SLC44A5: variants seen among roughly 807,000 people sequenced by gnomAD.
SLC44A5 encodes the protein solute carrier family 44 member 5.
SLC44A5 carries 57 observed loss-of-function variants against 101.8 expected under a neutral mutation model. The ratio of observed to expected loss-of-function variants is 0.56; its 90% confidence interval spans 0.45 to 0.70. SLC44A5 has a LOEUF of 0.70. Ranked by LOEUF, SLC44A5 falls within the 30% of genes least tolerant of loss-of-function variation. The pLI, the probability that SLC44A5 is intolerant of heterozygous loss-of-function variation, is 0.00. For missense variants in SLC44A5, 737 were observed against 853.1 expected (o/e 0.86, Z 1.70); for synonymous variants, 281 against 290.9 (o/e 0.97, Z 0.35).
intron 2 of SLC44A5, among the ~76,000 whole-genome samples, chr1:75,490,212 A>C (rs1328229824): frequency 2.0e-5 from 3 of 152,184 alleles, no homozygotes; most frequent in African/African-American, 7.2e-5. Flanking sequence ...GGAATGAATA[A>C]TGCATTGGAT....
chr1:75,330,608 T>C (rs1215043347), intron 4 of SLC44A5, among the ~76,000 whole-genome samples: 3 of 152,114 alleles, frequency 2.0e-5, no homozygotes, highest in Non-Finnish European at 4.4e-5. Flanking sequence ...TTCTAGATAA[T>C]GTCTAGCACC....
chr1:75,495,087 A>T (rs1668600283), intron 2 of SLC44A5, among the ~76,000 whole-genome samples: 1 of 152,186 alleles, frequency 6.6e-6, no homozygotes, highest in Admixed American at 6.5e-5. Context: ...GGAAACGGAA[A>T]TATGTGACAA....
intron 2 of SLC44A5, among the ~76,000 whole-genome samples, chr1:75,530,103 C>T (rs2101916956): frequency 6.6e-6 from 1 of 151,902 alleles, no homozygotes; most frequent in South Asian, 2.1e-4. Flanking sequence ...GGCTGGAGTG[C>T]AAAAGGTAAT....
intron 13 of SLC44A5, among the ~76,000 whole-genome samples, chr1:75,223,110 G>A (rs952543595): frequency 1.3e-5 from 2 of 152,302 alleles, no homozygotes; most frequent in Admixed American, 6.5e-5. Context: ...CCATCTTTAT[G>A]TGAAATAAGT....
chr1:75,504,993 C>G (rs943897448), intron 2 of SLC44A5, among the ~76,000 whole-genome samples: 1 of 152,084 alleles, frequency 6.6e-6, no homozygotes, highest in Non-Finnish European at 1.5e-5. Context: ...GCTCTTTCCT[C>G]TTCCCCCTCT....
Position 75,440,329 on chromosome 1 carries a change from G to A in SLC44A5, c.14-43708C>T, listed in dbSNP as rs147232164. On this transcript the variant is annotated intron_variant, in intron 2 of 23. Transcript: ENST00000370859. ...AGACCTGAGGGAAGTTGGAAAGAAA[G>A]TTAAAAAGATAGTTATGAAGAAGGC... Among the ~76,000 whole-genome samples the A allele has an allele frequency of 6.0e-3, 912 of 152,224 alleles. 5 individuals carry two copies. The highest frequency in any genetic ancestry group is 9.5e-3 in the Non-Finnish European group (644 of 67,990).
At chr1:75,214,058 A>G (rs967827589) in intron 20 of SLC44A5, 69 bp from the exon 21 acceptor site, 1 of 1,005,068 alleles carries the variant, frequency 9.9e-7, no homozygotes, top group South Asian at 1.5e-5. Flanking sequence ...AATTTATGGC[A>G]GTAAATTTTC....
rs1476646236 is a variant in SLC44A5 at position 75,273,241 on chromosome 1, G to A, written c.260+1717C>T. On this transcript the variant is annotated intron_variant, in intron 6 of 23. Transcript: ENST00000370859. ...TTTGTGTACATTGATTTTGTAACCC[G>A]AGCCTTTAGTGAATTCATTTATCGG... Among the ~76,000 whole-genome samples, 7 of 152,096 alleles carry A rather than the reference G, an allele frequency of 4.6e-5. No individual in the cohort carries two copies. The South Asian group carries it at 6.2e-4, about 14-fold the overall frequency.
chr1:75,389,532 C>T (rs572971143), intron 3 of SLC44A5, among the ~76,000 whole-genome samples: 1 of 152,150 alleles, frequency 6.6e-6, no homozygotes, highest in South Asian at 2.1e-4. Flanking sequence ...CTCAAAACCA[C>T]ACAACTACAT....
rs12078422 is a variant in SLC44A5, at chr1:75,267,192, T to C, written c.260+7766A>G. 6.6e-3 allele frequency among the ~76,000 whole-genome samples: 1,006 copies of C among 152,238 alleles called. 10 individuals are homozygous for C. Among genetic ancestry groups the C allele is most frequent in the African/African-American group, 0.023 (958 of 41,544 alleles). The stretch of plus-strand genomic sequence containing the variant: ...ATGCATGCTTCTCCTACATGACTGT[T>C]CTCTCATTTAATTTTTGCTTCATTA... On this transcript the variant is annotated intron_variant, in intron 6 of 23. Transcript: ENST00000370859.
chr1:75,595,252 T>A (rs1277434700), intron 1 of SLC44A5, among the ~76,000 whole-genome samples: 1 of 152,088 alleles, frequency 6.6e-6, no homozygotes, highest in Non-Finnish European at 1.5e-5. Flanking sequence ...AGTGATGTAT[T>A]CTCTGGAAAA....
intron 6 of SLC44A5, among the ~76,000 whole-genome samples, chr1:75,263,507 T>C (rs1177160295): frequency 2.0e-5 from 3 of 152,088 alleles, no homozygotes; most frequent in Non-Finnish European, 4.4e-5. Flanking sequence ...TGTGGAGAAA[T>C]AGGAATGCTT....
chr1:75,336,884 T>C (rs1223743299), intron 4 of SLC44A5, among the ~76,000 whole-genome samples: 1 of 152,190 alleles, frequency 6.6e-6, no homozygotes, highest in Admixed American at 6.5e-5. Flanking sequence ...GACCTAGTAA[T>C]GCAAATAGCG....
At position 75,299,225 on chromosome 1, in the gene SLC44A5, G is replaced by A. The variant is rs150673106; in HGVS notation, c.175+1387C>T. Among the ~76,000 whole-genome samples the A allele has an allele frequency of 3.3e-3, 507 of 152,234 alleles. 2 individuals are homozygous for A. The highest frequency in any genetic ancestry group is 0.012 in the African/African-American group (489 of 41,552). ...AAGTTAAAACACTTTAAGAAATAAT[G>A]AAAGAATGTTCTGAAGTTCTTAGAA... On this transcript the variant is annotated intron_variant, in intron 5 of 23. Transcript: ENST00000370859.
chr1:75,646,660 G>A, the SLC44A5 span, among the ~76,000 whole-genome samples: 4 of 152,244 alleles, frequency 2.6e-5, no homozygotes, highest in Middle Eastern at 3.4e-3. Flanking sequence ...GAGTTCTCAC[G>A]AGATCTGATG....
intron 2 of SLC44A5, among the ~76,000 whole-genome samples, chr1:75,513,662 T>C (rs939173100): frequency 3.9e-5 from 6 of 152,250 alleles, no homozygotes; most frequent in African/African-American, 1.4e-4. Flanking sequence ...ATGAATGCTA[T>C]GCACCAATCT....
the SLC44A5 span, among the ~76,000 whole-genome samples, chr1:75,715,513 T>G: frequency 6.6e-6 from 1 of 152,168 alleles, no homozygotes; most frequent in South Asian, 2.1e-4. Context: ...CCATCTGATC[T>G]TCAACAAAGT....
chr1:75,688,411 G>T, the SLC44A5 span, among the ~76,000 whole-genome samples: 1 of 152,192 alleles, frequency 6.6e-6, no homozygotes, highest in Non-Finnish European at 1.5e-5. Context: ...GACACAGCAA[G>T]ATAGGCCTCT....
rs1648776375 is a variant in SLC44A5, at chr1:75,243,001, G to A, written c.356C>T (p.Ser119Phe). ...GGTTAAAAATTTTTCTGGGCACTTG[G>A]AGACACAGATCTGTGAACGAACAAA... Reference protein sequence around the residue: ...LQCPTTQICVSKCPEKFLTYV... With the variant: ...LQCPTTQICVFKCPEKFLTYV... Residue 119 changes from serine (S) to phenylalanine (F), a missense_variant, in exon 8 of 24, where the codon TCC becomes TTC. This residue lies in a region of SLC44A5 where 665 missense variants were observed against 764.4 expected (regional missense o/e 0.87). Coordinates refer to ENST00000370859, the MANE Select transcript of SLC44A5 (RefSeq NM_001130058.2). 1 of 1,611,644 alleles carries A rather than the reference G, an allele frequency of 6.2e-7. No homozygotes were observed. The highest frequency in any genetic ancestry group is 8.5e-7 in the Non-Finnish European group (1 of 1,178,874).
Sources: allele counts gnomAD v4.1 joint callset (sites outside exome capture counted in the v4.1 genomes callset), GRCh38; gene constraint gnomAD v4.1.1; regional missense constraint gnomAD v4.1.1; transcripts MANE v1.5; gene names NCBI Gene and HGNC (gene_info 2026-07-23, HGNC 2026-07-21).